Variants in TPD52L1 observed in about 807,000 individuals in gnomAD.
The protein encoded by TPD52L1 is TPD52 like 1, also known as tumor protein D53.
In TPD52L1, 18 loss-of-function variants were observed where a neutral mutation model predicts 28.7. The ratio of observed to expected loss-of-function variants is 0.63; its 90% CI spans 0.43 to 0.93. TPD52L1 has a LOEUF of 0.93. TPD52L1 is among the 40% of genes least tolerant of loss of function. The pLI is 0.00. For synonymous variants in TPD52L1, 75 were observed against 88.8 expected (o/e 0.84, Z 0.88); for missense variants, 203 against 254.8 (o/e 0.80, Z 1.39).
At chr6:125,231,139 C>T (rs1795924753) in intron 3 of TPD52L1, 1 of 152,172 alleles carries the variant, frequency 6.6e-6, no homozygotes, top group Non-Finnish European at 1.5e-5. Flanking sequence ...GTATTTAATC[C>T]AGGCCTGAGG....
At chr6:125,161,979 TCTAA>T (rs1296196351) in intron 1 of TPD52L1, among the ~76,000 whole-genome samples, 9 of 152,328 alleles carry the variant, frequency 5.9e-5, no homozygotes, top group Middle Eastern at 3.4e-3. Flanking sequence ...GAGGTATGTC[TCTAA>T]CTATTAAATT....
rs940045721 is a variant in TPD52L1, at chr6:125,263,482, G to T, written c.*520G>T. On this transcript the variant is annotated 3_prime_UTR_variant, in exon 7 of 7. Coordinates refer to ENST00000534000, the MANE Select transcript of TPD52L1 (RefSeq NM_003287.4). ...TGTATGTTAATTTCAGCAATTAAAA[G>T]AATTGATTTTAATGACTTTGAATTC... 6.6e-6 allele frequency: 1 copy of T among 152,246 alleles called. No homozygotes were observed. Among genetic ancestry groups the T allele is most frequent in the African/African-American group, 2.4e-5 (1 of 41,432 alleles). The allele number at this position is 152,246 out of a possible 1,614,324, so 9.4% of individuals were successfully genotyped here.
At chr6:125,164,612 C>CA (rs1270083270) in intron 1 of TPD52L1, among the ~76,000 whole-genome samples, 1 of 151,936 alleles carries the variant, frequency 6.6e-6, no homozygotes, top group African/African-American at 2.4e-5. Context: ...ATGAGTACCC[C>CA]AAAAAAGAAA....
intron 1 of TPD52L1, among the ~76,000 whole-genome samples, chr6:125,187,453 A>T (rs1158145625): frequency 6.6e-6 from 1 of 152,208 alleles, no homozygotes; most frequent in Non-Finnish European, 1.5e-5. Context: ...AAAATTATGC[A>T]TTGCAGCACT....
At chr6:125,178,302 G>A (rs900440527) in intron 1 of TPD52L1, among the ~76,000 whole-genome samples, 1 of 152,102 alleles carries the variant, frequency 6.6e-6, no homozygotes, top group Non-Finnish European at 1.5e-5. Flanking sequence ...TTCTAAGGAA[G>A]GGGCAAATAG....
At chr6:125,203,787 CT>C (rs1793944384) in intron 1 of TPD52L1, 1 of 985,310 alleles carries the variant, frequency 1.0e-6, no homozygotes, top group African/African-American at 1.7e-5. Flanking sequence ...TGTAAGGAAC[CT>C]AAGTTTCTGT....
At chr6:125,171,058 C>T (rs73771246) in intron 1 of TPD52L1, among the ~76,000 whole-genome samples, 9,485 of 152,170 alleles carry the variant, frequency 0.062, 576 homozygotes, top group East Asian at 0.33. Flanking sequence ...AGCTTGAACA[C>T]ACAGGCTAGG....
chr6:125,205,916 C>A (rs1794098823), intron 1 of TPD52L1, among the ~76,000 whole-genome samples: 2 of 152,180 alleles, frequency 1.3e-5, no homozygotes, highest in Non-Finnish European at 2.9e-5. Flanking sequence ...AGGTTTTGGA[C>A]AGCCACAAAT....
At position 125,253,761 on chromosome 6, in the gene TPD52L1, G is replaced by A. The variant is rs111561919; in HGVS notation, c.425+6G>A. The A allele has an allele frequency of 1.5e-5, 24 of 1,608,268 alleles. No individual in the cohort carries two copies. The highest frequency in any genetic ancestry group is 1.5e-4 in the African/African-American group (11 of 74,902). ...ATAAGTATGCCTGCTATGAGGTAAT[G>A]TGTGTAAAATATTTTATGTAATATT... On this transcript the variant is annotated splice_donor_region_variant and intron_variant, in intron 5 of 6. Transcript: ENST00000534000.
At chr6:125,171,248 T>A (rs185254866) in intron 1 of TPD52L1, among the ~76,000 whole-genome samples, 1 of 152,284 alleles carries the variant, frequency 6.6e-6, no homozygotes, top group East Asian at 1.9e-4. Flanking sequence ...TTATGTTTGA[T>A]GATATGATGT....
chr6:125,255,435 C>T (rs1340929452), intron 5 of TPD52L1, among the ~76,000 whole-genome samples: 1 of 152,158 alleles, frequency 6.6e-6, no homozygotes. Flanking sequence ...CATGAAACAG[C>T]ATTACGGAGG....
In TPD52L1 at chr6:125,253,669, C is replaced by G. The variant is rs1403986099; in HGVS notation, c.387-48C>G. 6 of 1,557,822 alleles carry G rather than the reference C, an allele frequency of 3.9e-6. No homozygotes were observed. In the East Asian group the frequency reaches 1.3e-4, roughly 35 times the overall value. ...GGAGTTTTTCATGTACTTATGTGTG[C>G]TCTCTTCTTTTTTCTTTTTTCCCCT... On this transcript the variant is annotated intron_variant, in intron 4 of 6. Transcript: ENST00000534000.
At position 125,153,943 on chromosome 6, in the gene TPD52L1, T is replaced by G. The variant is rs1011408732; in HGVS notation, c.-9T>G. On this transcript the variant is annotated 5_prime_UTR_variant, in exon 1 of 7. Transcript: ENST00000534000. ...TGTCCCCGCCGCCCTCAGCTCGAAG[T>G]CAGCCACCATGGAGGCGCAGGCACA... 6.8e-6 allele frequency: 11 copies of G among 1,606,452 alleles called. No homozygotes were observed. The highest frequency in any genetic ancestry group is 8.5e-6 in the Non-Finnish European group (10 of 1,178,422).
chr6:125,168,518 AT>A (rs1171967450), intron 1 of TPD52L1, among the ~76,000 whole-genome samples: 9,832 of 139,786 alleles, frequency 0.07, 447 homozygotes, highest in African/African-American at 0.15. Flanking sequence ...TCCTTCTCAG[AT>A]TTTTTTTTTT....
intron 1 of TPD52L1, among the ~76,000 whole-genome samples, chr6:125,186,981 A>T (rs896002293): frequency 6.6e-6 from 1 of 152,206 alleles, no homozygotes. Context: ...CTTTATGAAA[A>T]TGTTAAATAT....
intron 1 of TPD52L1, among the ~76,000 whole-genome samples, chr6:125,183,153 T>C (rs949532344): frequency 2.0e-5 from 3 of 152,100 alleles, no homozygotes; most frequent in Non-Finnish European, 4.4e-5. Context: ...AGGAGAACTT[T>C]TGAGCGGTGA....
chr6:125,154,418 G>A, intron 1 of TPD52L1: 1 of 989,558 alleles, frequency 1.0e-6, no homozygotes, highest in Non-Finnish European at 1.2e-6. Flanking sequence ...TGAGAGGATC[G>A]CCCGCCGAGG....
chr6:125,162,930 AC>A (rs1363132410), intron 1 of TPD52L1, among the ~76,000 whole-genome samples: 1 of 152,246 alleles, frequency 6.6e-6, no homozygotes, highest in East Asian at 1.9e-4. Context: ...CATTTTATAA[AC>A]AGGGAACTAC....
chr6:125,199,734 G>A (rs776128648), intron 1 of TPD52L1, among the ~76,000 whole-genome samples: 1 of 152,148 alleles, frequency 6.6e-6, no homozygotes, highest in African/African-American at 2.4e-5. Flanking sequence ...TAGCTTGCCT[G>A]CAATATACAA....
Sources: allele counts gnomAD v4.1 joint callset (sites outside exome capture counted in the v4.1 genomes callset), GRCh38; gene constraint gnomAD v4.1.1; transcripts MANE v1.5; gene names NCBI Gene and HGNC (gene_info 2026-07-23, HGNC 2026-07-21).